Variants in ANKDD1B observed in about 807,000 individuals in gnomAD.
ANKDD1B encodes the protein ankyrin repeat and death domain containing 1B.
ANKDD1B carries 57 observed loss-of-function variants against 59.7 expected under a neutral mutation model. That is an observed-to-expected ratio of 0.95 (90% CI 0.77 to 1.19). The LOEUF (loss-of-function observed/expected upper bound fraction) is 1.19, where lower values mean the gene tolerates loss of function less well. Among genes scored for constraint, ANKDD1B ranks in the 50% most tolerant of loss-of-function variants. The pLI is 0.00. For synonymous variants in ANKDD1B, 216 were observed against 239.5 expected (o/e 0.90, Z 0.91); for missense variants, 602 against 641.9 (o/e 0.94, Z 0.67).
chr5:75,634,868 A>C, intron 5 of ANKDD1B, 30 bp from the exon 6 acceptor site: 1 of 1,382,030 alleles, frequency 7.2e-7, no homozygotes, highest in Non-Finnish European at 9.9e-7. Flanking sequence ...AGACTGTAAT[A>C]AATGCTTGAG....
chr5:75,633,644 C>T (rs1014716039), intron 5 of ANKDD1B, among the ~76,000 whole-genome samples: 6 of 152,136 alleles, frequency 3.9e-5, no homozygotes, highest in South Asian at 4.2e-4. Flanking sequence ...CTTCTGCTAC[C>T]GTATTGCCAC....
chr5:75,642,276 A>G (rs1448646842), intron 7 of ANKDD1B, among the ~76,000 whole-genome samples: 1 of 152,084 alleles, frequency 6.6e-6, no homozygotes, highest in Non-Finnish European at 1.5e-5. Flanking sequence ...GCTCCGGTCT[A>G]CAGCTCCCAG....
chr5:75,660,871 C>T (rs1775118712), intron 10 of ANKDD1B, among the ~76,000 whole-genome samples: 1 of 152,154 alleles, frequency 6.6e-6, no homozygotes. Context: ...CAACTGTCAG[C>T]AAAGATGACT....
rs151260647 is a variant in ANKDD1B at position 75,659,539 on chromosome 5, G to A, written c.1095+158G>A. 5.1e-3 allele frequency among the ~76,000 whole-genome samples: 779 copies of A among 152,296 alleles called. 11 individuals carry two copies. The highest frequency in any genetic ancestry group is 0.018 in the African/African-American group (748 of 41,554). On this transcript the variant is annotated intron_variant, in intron 10 of 13. Transcript: ENST00000601380. ...TAGTCAGTAAAATACCCCAATTTTG[G>A]TTGAGCTATGTCAGTAAAAATTTTT...
At chr5:75,651,500 A>G (rs2111991486) in intron 7 of ANKDD1B, among the ~76,000 whole-genome samples, 1 of 152,344 alleles carries the variant, frequency 6.6e-6, no homozygotes, top group South Asian at 2.1e-4. Context: ...AGGCGCTGAA[A>G]GGGCCGAGTA....
At position 75,616,870 on chromosome 5, in the gene ANKDD1B, T is replaced by C; in HGVS notation, c.260T>C (p.Leu87Pro). 1.3e-6 allele frequency: 2 copies of C among 1,531,626 alleles called. No individual in the cohort carries two copies. The highest frequency in any genetic ancestry group is 1.7e-6 in the Non-Finnish European group (2 of 1,143,010). The allele number at this position is 1,531,626 out of a possible 1,614,324, so 94.9% of individuals were successfully genotyped here. The change falls in exon 2 of 14, where the codon CTG (leucine) becomes CCG (proline). Residue 87 changes from leucine (L) to proline (P), a missense_variant. Transcript: ENST00000601380. ...AATAATTTGGATCTTATGGAGAAGC[T>C]GTTTGAAAAGAAGGTTAACATTAAT... ...KSNNLDLMEK[L>P]FEKKVNINVV... is the part of the protein sequence containing the mutation.
intron 7 of ANKDD1B, 29 bp downstream of exon 7, chr5:75,635,911 G>T: frequency 7.2e-7 from 1 of 1,385,560 alleles, no homozygotes; most frequent in South Asian, 1.3e-5. Context: ...TATTGCCATA[G>T]GACTTAAATG....
chr5:75,633,535 A>T (rs7710271), intron 5 of ANKDD1B, among the ~76,000 whole-genome samples: 1 of 152,086 alleles, frequency 6.6e-6, no homozygotes, highest in East Asian at 1.9e-4. Flanking sequence ...GATGAGGCTC[A>T]TATCTATTTT....
rs1471501853 is a variant in ANKDD1B at position 75,661,414 on chromosome 5, A to AAAAAAAAAAAAAAAAAAAAAAAAAAG, written c.1096-1969_1096-1968insAAAAAAAAAAAAAAGAAAAAAAAAAA. ...TCCGTCTGAAAAAAAAAAAAAAAAAAAAAAAAAAAAAGTAACACAGGCCCA... is the reference window on the plus strand; with the variant it reads ...TCCGTCTGAAAAAAAAAAAAAAAAAAAAAAAAAAAAAAAAAAAAAAAAAAAGAAAAAAAAAAAGTAACACAGGCCCA... On this transcript the variant is annotated intron_variant, in intron 10 of 13. Transcript: ENST00000601380. Among the ~76,000 whole-genome samples, 86 of 131,466 alleles carry AAAAAAAAAAAAAAAAAAAAAAAAAAG rather than the reference A, an allele frequency of 6.5e-4. 1 individual carries two copies. The highest frequency in any genetic ancestry group is 1.4e-3 in the African/African-American group (39 of 28,636). 86.2% of individuals were successfully genotyped at this position (131,466 alleles called of 152,430 possible).
At position 75,625,714 on chromosome 5, in the gene ANKDD1B, A is replaced by C. The variant is rs1245680958; in HGVS notation, c.464A>C (p.Lys155Thr). The C allele has an allele frequency of 6.5e-7, 1 of 1,536,418 alleles. No individual in the cohort carries two copies. The highest frequency in any genetic ancestry group is 2.4e-5 in the East Asian group (1 of 40,918). ...CTTGAGGTCATGCTCATGCTGGTTA[A>C]AGCTGGAGCAGACCAGAGAGCCAAG... Reference protein sequence around the residue: ...GSLEVMLMLVKAGADQRAKNQ... With the variant: ...GSLEVMLMLVTAGADQRAKNQ... The change falls in exon 4 of 14, where the codon AAA becomes ACA. Residue 155 changes from lysine (K) to threonine (T), a missense_variant. Transcript: ENST00000601380.
chr5:75,667,487 A>G (rs531091154), intron 12 of ANKDD1B, among the ~76,000 whole-genome samples: 5 of 152,270 alleles, frequency 3.3e-5, no homozygotes, highest in African/African-American at 1.2e-4. Context: ...GTTGTAGGAC[A>G]CTGCCTTAGG....
chr5:75,658,199 A>C (rs1211394235), intron 9 of ANKDD1B, among the ~76,000 whole-genome samples: 1 of 144,224 alleles, frequency 6.9e-6, no homozygotes, highest in African/African-American at 2.6e-5. Context: ...ACTGTCTCTA[A>C]GAAAAAAATT....
chr5:75,635,164 T>A, intron 6 of ANKDD1B, 168 bp downstream of exon 6: 1 of 515,014 alleles, frequency 1.9e-6, no homozygotes, highest in Middle Eastern at 4.7e-4. Context: ...GCAAAATCCT[T>A]CCACTGTTGC....
intron 12 of ANKDD1B, among the ~76,000 whole-genome samples, chr5:75,668,442 A>G (rs1474968264): frequency 6.6e-6 from 1 of 152,248 alleles, no homozygotes; most frequent in Admixed American, 6.5e-5. Context: ...GGAAAGGAAC[A>G]GAGGACTTGT....
chr5:75,635,490 C>T lies in ANKDD1B; in HGVS notation c.700-294C>T, dbSNP rs554834856. ...GAAATCTTTCACCATTTTACCCTCA[C>T]AGAGGTCAAATGGAATTGCTTTTGT... is the stretch of plus-strand genomic sequence containing the variant. On this transcript the variant is annotated intron_variant, in intron 6 of 13. Transcript: ENST00000601380. The T allele has an allele frequency of 3.1e-4, 83 of 270,838 alleles. No homozygotes were observed. The South Asian group carries it at 1.0e-2, about 33-fold the overall frequency. The allele number at this position is 270,838 out of a possible 1,614,324, so 16.8% of individuals were successfully genotyped here.
intron 7 of ANKDD1B, among the ~76,000 whole-genome samples, chr5:75,649,606 G>A (rs1447990540): frequency 6.6e-6 from 1 of 152,140 alleles, no homozygotes; most frequent in African/African-American, 2.4e-5. Context: ...TGAGTTTCTT[G>A]TAAATTTGTT....
chr5:75,654,200 C>G (rs1774900978), intron 8 of ANKDD1B, among the ~76,000 whole-genome samples: 1 of 152,174 alleles, frequency 6.6e-6, no homozygotes, highest in East Asian at 1.9e-4. Context: ...GTCTCCCCTC[C>G]CTCCATCTGC....
At position 75,671,712 on chromosome 5, in the gene ANKDD1B, T is replaced by TA. The variant is rs952287443; in HGVS notation, c.*675dup. ...TATGTACACCATTTTTTTTTTTTTT[T>TA]AAATCTCTTGGTGATGTAATTACAG... is the stretch of plus-strand genomic sequence containing the variant. On this transcript the variant is annotated 3_prime_UTR_variant, in exon 14 of 14. Transcript: ENST00000601380. The TA allele has an allele frequency of 1.4e-5, 2 of 145,852 alleles. No homozygotes were observed. Among genetic ancestry groups the TA allele is most frequent in the Admixed American group, 1.4e-4 (2 of 14,648 alleles). 9.0% of individuals were successfully genotyped at this position (145,852 alleles called of 1,614,324 possible).
chr5:75,658,559 A>C (rs1775034830), intron 9 of ANKDD1B, among the ~76,000 whole-genome samples: 1 of 152,208 alleles, frequency 6.6e-6, no homozygotes, highest in Non-Finnish European at 1.5e-5. Flanking sequence ...ATAACGTAGA[A>C]AATTTAGAGA....
Sources: allele counts gnomAD v4.1 joint callset (sites outside exome capture counted in the v4.1 genomes callset), GRCh38; gene constraint gnomAD v4.1.1; transcripts MANE v1.5; gene names NCBI Gene and HGNC (gene_info 2026-07-23, HGNC 2026-07-21).